The following VSIG1 variants were observed in gnomAD, a reference collection of about 807,000 sequenced individuals.
The protein encoded by VSIG1 is V-set and immunoglobulin domain containing 1.
VSIG1 carries 11 observed loss-of-function variants against 20.1 expected under a neutral mutation model. The ratio of observed to expected loss-of-function variants is 0.55; its 90% CI spans 0.34 to 0.91. The LOEUF (loss-of-function observed/expected upper bound fraction) is 0.91. Among genes scored for constraint, VSIG1 ranks in the 40% least tolerant of loss-of-function variants. The pLI, the probability that VSIG1 is intolerant of heterozygous loss-of-function variation, is 0.02. For missense variants in VSIG1, 283 were observed against 298.8 expected (o/e 0.95, Z 0.39); for synonymous variants, 126 against 116.7 (o/e 1.08, Z -0.52).
the VSIG1 span, among the ~76,000 whole-genome samples, chrX:108,021,459 C>A: frequency 8.9e-6 from 1 of 112,005 alleles, no homozygotes; most frequent in South Asian, 3.7e-4. Context: ...GGATACTAGA[C>A]CATTATCAGA....
chrX:108,019,576 T>G, the VSIG1 span, among the ~76,000 whole-genome samples: 1 of 112,113 alleles, frequency 8.9e-6, no homozygotes, highest in East Asian at 2.8e-4. Flanking sequence ...CCACAGTGTC[T>G]GCAGCTGCAG....
At chrX:108,067,190 G>C in intron 3 of VSIG1, 56 bp downstream of exon 3, 1 of 1,121,643 alleles carries the variant, frequency 8.9e-7, no homozygotes, top group Non-Finnish European at 1.2e-6. Flanking sequence ...GACACTGAAT[G>C]AGCCAGGACA....
At chrX:108,049,508 C>T (rs2030739767) in intron 1 of VSIG1, among the ~76,000 whole-genome samples, 1 of 111,828 alleles carries the variant, frequency 8.9e-6, no homozygotes. Flanking sequence ...TGTGTGAGTA[C>T]TGTGTGTACT....
chrX:108,054,748 A>T (rs193072992), intron 1 of VSIG1, among the ~76,000 whole-genome samples: 2 of 110,506 alleles, frequency 1.8e-5, no homozygotes, highest in African/African-American at 3.3e-5. Flanking sequence ...GAATTTTTTT[A>T]AAAATGCGTA....
intron 1 of VSIG1, among the ~76,000 whole-genome samples, chrX:108,051,013 G>A (rs1602567090): frequency 9.0e-6 from 1 of 110,935 alleles, no homozygotes; most frequent in Non-Finnish European, 1.9e-5. Context: ...GGCAGCCCAG[G>A]TAAGCTTACT....
rs761844498 is a variant in VSIG1 at position 108,066,845 on chromosome X, T to C, written c.214-91T>C. On this transcript the variant is annotated intron_variant, in intron 2 of 6. Transcript: ENST00000217957. ...GTGGGGGGAAGATGCTGCTTCTTTA[T>C]CAAAGGTAATGTGTTTAGAAGAAGC... The C allele has an allele frequency of 1.4e-5, 12 of 862,169 alleles. No homozygotes were observed. In the South Asian group the frequency reaches 2.5e-4, roughly 18 times the overall value. The allele number at this position is 862,169 out of a possible 1,213,427, so 71.1% of individuals were successfully genotyped here.
intron 1 of VSIG1, 23 bp downstream of exon 1, chrX:108,045,202 A>T (rs2030546819): frequency 8.7e-7 from 1 of 1,144,970 alleles, no homozygotes; most frequent in Non-Finnish European, 1.2e-6. Flanking sequence ...TCTCCAAACC[A>T]CCAAATATAA....
rs1315479630 is a variant in VSIG1 at position 108,077,247 on chromosome X, C to T, written c.1030C>T (p.Leu344Phe). 1 of 1,211,964 alleles carries T rather than the reference C, an allele frequency of 8.3e-7. No homozygotes were observed. ...ATCAGAGCCTATGGCAGTGCCTGAC[C>T]TTGACATCGAGCTGGAGCTGGAGCC... ...PGSEPMAVPDLDIELELEPET... is the reference protein window; with the variant it reads ...PGSEPMAVPDFDIELELEPET... Residue 344 changes from leucine to phenylalanine, a missense_variant, in exon 7 of 7, where the codon CTT becomes TTT. Coordinates refer to ENST00000217957, the MANE Select transcript of VSIG1 (RefSeq NM_182607.5).
At chrX:108,025,905 A>C in the VSIG1 span, among the ~76,000 whole-genome samples, 1 of 112,355 alleles carries the variant, frequency 8.9e-6, no homozygotes, top group African/African-American at 3.2e-5. Context: ...CTTGCGATAA[A>C]GGAAGTTATA....
chrX:108,059,219 C>T lies in VSIG1; in HGVS notation c.213+1018C>T, dbSNP rs189542661. On this transcript the variant is annotated intron_variant, in intron 2 of 6. Transcript: ENST00000217957. ...ATAGAGGGAGAGCAAGTTGAGGAGG[C>T]TGGGGGAGGCCTAGGGACAGGGGTG... 5.6e-3 allele frequency among the ~76,000 whole-genome samples: 624 copies of T among 110,961 alleles called. 6 individuals are homozygous for T. Among genetic ancestry groups the T allele is most frequent in the African/African-American group, 0.019 (587 of 30,438 alleles).
At chrX:108,027,198 G>A in the VSIG1 span, among the ~76,000 whole-genome samples, 5 of 111,413 alleles carry the variant, frequency 4.5e-5, no homozygotes, top group East Asian at 2.8e-4. Flanking sequence ...TTGAAAACCC[G>A]TCTTCAAAGA....
chrX:108,072,810 C>G lies in VSIG1; in HGVS notation c.546C>G (p.Ile182Met). Reference sequence around the variant, plus strand: ...GGCATAAACTTGAGGGAAGAGACATCGTGCCAGTGAAAGAAAACTTCAGTA... The same window carrying G: ...GGCATAAACTTGAGGGAAGAGACATGGTGCCAGTGAAAGAAAACTTCAGTA... The part of the protein sequence containing the change: ...YYWHKLEGRD[I>M]VPVKENFNPT... Residue 182 changes from isoleucine to methionine, a missense_variant, in exon 4 of 7, where the codon ATC (isoleucine) becomes ATG (methionine). By Grantham distance (10) the Ile-to-Met change is conservative. Transcript: ENST00000217957. 1 of 1,210,707 alleles carries G rather than the reference C, an allele frequency of 8.3e-7. No homozygotes were observed. Among genetic ancestry groups the G allele is most frequent in the Non-Finnish European group, 1.1e-6 (1 of 895,172 alleles).
intron 2 of VSIG1, among the ~76,000 whole-genome samples, chrX:108,058,923 G>A (rs752608831): frequency 9.9e-4 from 105 of 105,711 alleles, no homozygotes; most frequent in African/African-American, 3.4e-3. Context: ...TATACTCAAA[G>A]GTGTGTGTGT....
chrX:108,065,689 C>A lies in VSIG1; in HGVS notation c.214-1247C>A, dbSNP rs776575631. ...CTGTATTGACTTGTTTTCTTAAAAT[C>A]TTAAAAAATATCTACCTTAATCTAC... On this transcript the variant is annotated intron_variant, in intron 2 of 6. Transcript: ENST00000217957. Among the ~76,000 whole-genome samples the A allele has an allele frequency of 4.5e-3, 506 of 111,627 alleles. 1 individual carries two copies. Among genetic ancestry groups the A allele is most frequent in the African/African-American group, 0.016 (479 of 30,730 alleles).
At chrX:108,047,967 T>TATATATATATAC (rs1569287465) in intron 1 of VSIG1, among the ~76,000 whole-genome samples, 1 of 27,103 alleles carries the variant, frequency 3.7e-5, no homozygotes, top group Non-Finnish European at 6.9e-5. Context: ...CACACATATA[T>TATATATATATAC]ATATATATAT....
the VSIG1 span, among the ~76,000 whole-genome samples, chrX:108,021,840 C>A: frequency 1.8e-5 from 2 of 111,916 alleles, no homozygotes; most frequent in African/African-American, 6.5e-5. Flanking sequence ...GGTCTTGGCA[C>A]CCTTGTCAAA....
intron 2 of VSIG1, among the ~76,000 whole-genome samples, chrX:108,064,347 C>T (rs1172916444): frequency 9.0e-6 from 1 of 111,413 alleles, no homozygotes; most frequent in East Asian, 2.9e-4. Context: ...CGTGAGAGGG[C>T]AAAATGTATT....
chrX:108,049,740 T>G (rs2030744901), intron 1 of VSIG1, among the ~76,000 whole-genome samples: 2 of 111,836 alleles, frequency 1.8e-5, no homozygotes, highest in Non-Finnish European at 3.8e-5. Flanking sequence ...AAACCCCAGT[T>G]TTATCCTTTT....
In VSIG1 at chrX:108,077,351, TGA is replaced by T; in HGVS notation, c.1135_1136del (p.Glu379ArgfsTer2). On this transcript the variant is annotated frameshift_variant, in exon 7 of 7. Coordinates refer to ENST00000217957, the MANE Select transcript of VSIG1 (RefSeq NM_182607.5). LOFTEE classifies it high-confidence loss of function. ...EPGVVVEPLS[E>X]DEKGVVKA is the part of the protein sequence containing the mutation. ...CTGGGGTTGTAGTTGAGCCCTTAAGTGAAGATGAAAAGGGAGTGGTTAAGGCA... is the reference window on the plus strand; with the variant it reads ...CTGGGGTTGTAGTTGAGCCCTTAAGTAGATGAAAAGGGAGTGGTTAAGGCA... The T allele has an allele frequency of 1.7e-6, 2 of 1,211,560 alleles. No individual in the cohort carries two copies. The highest frequency in any genetic ancestry group is 2.2e-6 in the Non-Finnish European group (2 of 895,430).
Sources: allele counts gnomAD v4.1 joint callset (sites outside exome capture counted in the v4.1 genomes callset), GRCh38; gene constraint gnomAD v4.1.1; transcripts MANE v1.5; gene names NCBI Gene and HGNC (gene_info 2026-07-23, HGNC 2026-07-21).